The following PAK3 variants were observed in gnomAD, a reference collection of about 807,000 sequenced individuals.
PAK3 encodes the protein serine/threonine-protein kinase PAK 3.
Under a neutral mutation model 41.0 loss-of-function variants are expected in PAK3, and 4 were observed. The ratio of observed to expected loss-of-function variants is 0.10; its 90% CI spans 0.05 to 0.22. PAK3 has a LOEUF of 0.22. PAK3 is among the 10% of genes least tolerant of loss of function. The pLI is 1.00. For synonymous variants in PAK3, 146 were observed against 139.6 expected, an observed-to-expected ratio of 1.05 and a Z score of -0.32; for missense variants, 205 against 409.9, an observed-to-expected ratio of 0.50 and a Z score of 4.32.
intron 8 of PAK3, among the ~76,000 whole-genome samples, chrX:111,157,415 A>T (rs1258371564): frequency 9.0e-6 from 1 of 111,675 alleles, no homozygotes; most frequent in Non-Finnish European, 1.9e-5. Context: ...TGTTGAAGTT[A>T]TACATAAGAG....
Position 111,221,023 on chromosome X carries a change from G to A in PAK3, c.*576G>A, listed in dbSNP as rs2094925800. On this transcript the variant is annotated 3_prime_UTR_variant, in exon 18 of 18. Transcript: ENST00000372007. ...CAAAAAATACCAGAGCAAGTACTGT[G>A]TGAACATGTGGAAGTCCATGCCCTA... 9.1e-6 allele frequency: 1 copy of A among 110,008 alleles called. No homozygotes were observed. Among genetic ancestry groups the A allele is most frequent in the Non-Finnish European group, 1.9e-5 (1 of 53,187 alleles). The allele number at this position is 110,008 out of a possible 1,213,427, so 9.1% of individuals were successfully genotyped here.
intron 7 of PAK3, among the ~76,000 whole-genome samples, chrX:111,149,500 G>A (rs192652643): frequency 8.0e-4 from 90 of 112,211 alleles, no homozygotes; most frequent in Non-Finnish European, 1.3e-4. Context: ...GCTTTTGCCT[G>A]AGCATCCAGG....
chrX:111,161,707 A>C (rs921780443), intron 8 of PAK3, among the ~76,000 whole-genome samples: 5 of 108,683 alleles, frequency 4.6e-5, no homozygotes, highest in Admixed American at 9.7e-5. Context: ...TTCCCAGCAA[A>C]ATTTATTAAA....
At chrX:111,146,522 C>A in intron 6 of PAK3, 1 of 1,132,521 alleles carries the variant, frequency 8.8e-7, no homozygotes, top group Non-Finnish European at 1.2e-6. Flanking sequence ...CCATTACAGC[C>A]AGATCTCTAT....
intron 1 of PAK3, among the ~76,000 whole-genome samples, chrX:110,951,776 G>A (rs973937154): frequency 1.8e-5 from 2 of 112,382 alleles, no homozygotes; most frequent in African/African-American, 3.2e-5. Context: ...GTTTTCCAAC[G>A]TTAAATCACT....
Position 111,221,082 on chromosome X carries a change from T to C in PAK3, c.*635T>C, listed in dbSNP as rs1283477613. Reference sequence around the variant, plus strand: ...GCAATTTTTTATTCTTCTTCTATAGTGGTGGCTTGGTTTGTGTACCTATTT... The same window carrying C: ...GCAATTTTTTATTCTTCTTCTATAGCGGTGGCTTGGTTTGTGTACCTATTT... On this transcript the variant is annotated 3_prime_UTR_variant, in exon 18 of 18. Transcript: ENST00000372007. 2 of 111,435 alleles carry C rather than the reference T, an allele frequency of 1.8e-5. No homozygotes were observed. Among genetic ancestry groups the C allele is most frequent in the Non-Finnish European group, 3.8e-5 (2 of 53,151 alleles). 9.2% of individuals were successfully genotyped at this position (111,435 alleles called of 1,213,427 possible).
chrX:111,089,519 A>T (rs2092913836), intron 1 of PAK3, among the ~76,000 whole-genome samples: 1 of 111,929 alleles, frequency 8.9e-6, no homozygotes, highest in Non-Finnish European at 1.9e-5. Context: ...GATTAGAAAT[A>T]TAAGACCAGT....
At chrX:111,219,407 T>C (rs1489915981) in intron 17 of PAK3, among the ~76,000 whole-genome samples, 1 of 109,911 alleles carries the variant, frequency 9.1e-6, no homozygotes, top group Non-Finnish European at 1.9e-5. Context: ...TTCTTGACCC[T>C]ATGTAACTTA....
At chrX:111,208,437 A>G (rs2094779861) in intron 16 of PAK3, among the ~76,000 whole-genome samples, 1 of 112,039 alleles carries the variant, frequency 8.9e-6, no homozygotes, top group Non-Finnish European at 1.9e-5. Context: ...AGCAACTTCT[A>G]GTGCTGCAAG....
At chrX:110,993,907 A>G (rs73264366) in intron 1 of PAK3, among the ~76,000 whole-genome samples, 270 of 111,824 alleles carry the variant, frequency 2.4e-3, no homozygotes, top group Non-Finnish European at 3.4e-3. Flanking sequence ...GCATATATAA[A>G]CACAGATCTA....
intron 4 of PAK3, among the ~76,000 whole-genome samples, chrX:111,119,299 G>T (rs1288909016): frequency 8.9e-6 from 1 of 111,834 alleles, no homozygotes; most frequent in African/African-American, 3.2e-5. Flanking sequence ...AATTATCTCT[G>T]AAAAACCTAG....
In PAK3 at chrX:111,029,934, A is replaced by G. The variant is rs368746312; in HGVS notation, c.-28+85306A>G. ...ACATGGCATTTTAAGGAACACTCAT[A>G]ATACTTGAGCTCACTACAAGAACAA... On this transcript the variant is annotated intron_variant, in intron 1 of 14. Coordinates refer to the PAK3 transcript ENST00000425146. Among the ~76,000 whole-genome samples, 11 of 112,274 alleles carry G rather than the reference A, an allele frequency of 9.8e-5. No homozygotes were observed. The East Asian group carries it at 2.8e-3, about 29-fold the overall frequency.
At chrX:111,196,973 A>G (rs1306011741) in intron 16 of PAK3, among the ~76,000 whole-genome samples, 1 of 103,011 alleles carries the variant, frequency 9.7e-6, no homozygotes, top group Non-Finnish European at 2.0e-5. Context: ...CAGGTTTATT[A>G]TATAGGTAAA....
At chrX:110,996,377 C>G (rs2148678370) in intron 1 of PAK3, among the ~76,000 whole-genome samples, 1 of 112,413 alleles carries the variant, frequency 8.9e-6, no homozygotes, top group Non-Finnish European at 1.9e-5. Context: ...CAACCATTAT[C>G]AAACTTCAAT....
At chrX:111,138,489 G>A (rs1043876352) in intron 5 of PAK3, among the ~76,000 whole-genome samples, 1 of 111,512 alleles carries the variant, frequency 9.0e-6, no homozygotes, top group Admixed American at 9.5e-5. Context: ...TGAAAGGACA[G>A]GCATTTAACT....
Position 111,123,249 on chromosome X carries a change from G to A in PAK3, c.146G>A (p.Arg49His). Residue 49 changes from arginine (R) to histidine (H), a missense_variant, in exon 5 of 18, where the codon CGC (arginine) becomes CAC (histidine). Arg to His is a conservative substitution (Grantham distance 29, BLOSUM62 0). This residue lies in a region of PAK3 where 22 missense variants were observed against 83.5 expected (regional missense o/e 0.26). Transcript: ENST00000372007. ...GAGAAGAATAAGAAAGCCAGGCTTC[G>A]CTCTATCTTCCCAGGAGGAGGGGAT... ...PEEKNKKARL[R>H]SIFPGGGDKT... is the part of the protein sequence containing the mutation. The A allele has an allele frequency of 1.7e-6, 2 of 1,209,600 alleles. No homozygotes were observed. The highest frequency in any genetic ancestry group is 1.1e-6 in the Non-Finnish European group (1 of 893,359).
rs762259975 is a variant in PAK3, at chrX:111,121,539, C to T, written c.-27-1538C>T. 3.0e-3 allele frequency among the ~76,000 whole-genome samples: 330 copies of T among 111,724 alleles called. 1 individual carries two copies. The highest frequency in any genetic ancestry group is 3.8e-3 in the Non-Finnish European group (203 of 53,117). On this transcript the variant is annotated intron_variant, in intron 4 of 17. Coordinates refer to ENST00000372007, the MANE Select transcript of PAK3 (RefSeq NM_002578.5). ...AAACATACTATAACCACTAAAGGGC[C>T]GGAAAGCATTGATAGATAATTTTTC...
At chrX:110,982,497 G>A (rs1346022398) in intron 1 of PAK3, among the ~76,000 whole-genome samples, 5 of 112,131 alleles carry the variant, frequency 4.5e-5, no homozygotes, top group Admixed American at 9.4e-5. Flanking sequence ...CATAGGTTGC[G>A]CTGAAGAAAT....
At chrX:111,171,932 G>T (rs1377550967) in intron 10 of PAK3, among the ~76,000 whole-genome samples, 1 of 111,545 alleles carries the variant, frequency 9.0e-6, no homozygotes, top group Admixed American at 9.5e-5. Context: ...CCTAGGTTTG[G>T]AAATATATGT....
Sources: allele counts gnomAD v4.1 joint callset (sites outside exome capture counted in the v4.1 genomes callset), GRCh38; gene constraint gnomAD v4.1.1; regional missense constraint gnomAD v4.1.1; transcripts MANE v1.5; gene names NCBI Gene and HGNC (gene_info 2026-07-23, HGNC 2026-07-21).